The following SP100 variants were observed in gnomAD, a reference collection of about 807,000 sequenced individuals.
SP100 encodes the protein nuclear autoantigen Sp-100.
SP100 carries 84 observed loss-of-function variants against 130.0 expected under a neutral mutation model. The ratio of observed to expected loss-of-function variants is 0.65; its 90% CI spans 0.54 to 0.77. The LOEUF is 0.77. Ranked by LOEUF, SP100 falls within the 30% of genes least tolerant of loss-of-function variation. SP100 has a pLI of 0.00. For synonymous variants in SP100, 331 were observed against 351.7 expected, an observed-to-expected ratio of 0.94 and a Z score of 0.66; for missense variants, 978 against 1,052.2, an observed-to-expected ratio of 0.93 and a Z score of 0.97.
intron 2 of SP100, among the ~76,000 whole-genome samples, chr2:230,431,539 T>G (rs1215054692): frequency 6.6e-6 from 1 of 152,232 alleles, no homozygotes; most frequent in African/African-American, 2.4e-5. Context: ...TCCTTGTCTA[T>G]GGATAGTTGC....
At chr2:230,422,367 G>A (rs967203318) in intron 2 of SP100, among the ~76,000 whole-genome samples, 9 of 152,012 alleles carry the variant, frequency 5.9e-5, no homozygotes, top group South Asian at 2.1e-4. Context: ...TTCACATTTC[G>A]GAATGAGACA....
Position 230,470,070 on chromosome 2 carries a change from C to T in SP100, c.1401C>T (p.Thr467=). 6.2e-7 allele frequency: 1 copy of T among 1,611,548 alleles called. No homozygotes were observed. The highest frequency in any genetic ancestry group is 8.5e-7 in the Non-Finnish European group (1 of 1,178,700). Reference sequence around the variant, plus strand: ...GTAATGGAGAAGAGCTTCAGGAAACCTGCAGCTCATCCCTAAGAAGAGGGT... The same window carrying T: ...GTAATGGAGAAGAGCTTCAGGAAACTTGCAGCTCATCCCTAAGAAGAGGGT... ...DLSNGEELQE[T]CSSSLRRGSG... Residue 467 remains threonine, a synonymous_variant, in exon 15 of 29, where the codon ACC becomes ACT. Transcript: ENST00000340126.
intron 2 of SP100, among the ~76,000 whole-genome samples, chr2:230,435,017 C>T (rs1045246018): frequency 1.4e-4 from 21 of 152,262 alleles, no homozygotes; most frequent in Admixed American, 2.0e-4. Context: ...TATTTCTATA[C>T]GATAGATTCC....
rs1177323399 is a variant in SP100 at position 230,544,357 on chromosome 2, A to G, written c.*1411A>G. 2.6e-5 allele frequency among the ~76,000 whole-genome samples: 4 copies of G among 152,252 alleles called. No homozygotes were observed. Among genetic ancestry groups the G allele is most frequent in the African/African-American group, 9.6e-5 (4 of 41,470 alleles). On this transcript the variant is annotated 3_prime_UTR_variant, in exon 29 of 29. Transcript: ENST00000340126. Reference sequence around the variant, plus strand: ...AATCAACAGAGTAAACAGACAACCTACAAAATGGGAGAAAATATTTGCACA... The same window carrying G: ...AATCAACAGAGTAAACAGACAACCTGCAAAATGGGAGAAAATATTTGCACA...
At chr2:230,498,040 T>C (rs1408681471) in intron 18 of SP100, among the ~76,000 whole-genome samples, 1 of 152,238 alleles carries the variant, frequency 6.6e-6, no homozygotes, top group Non-Finnish European at 1.5e-5. Context: ...AATATCTGTA[T>C]GCTGAAGTTT....
chr2:230,516,759 A>G (rs1690935975), intron 24 of SP100, among the ~76,000 whole-genome samples: 1 of 152,214 alleles, frequency 6.6e-6, no homozygotes, highest in Non-Finnish European at 1.5e-5. Flanking sequence ...GTAACTGTGG[A>G]TGTCAAAAAC....
At chr2:230,449,318 C>T in intron 6 of SP100, 168 bp downstream of exon 6, 1 of 816,478 alleles carries the variant, frequency 1.2e-6, no homozygotes, top group Non-Finnish European at 2.1e-6. Context: ...CTCTAGGTTG[C>T]CTAGGAGGGT....
chr2:230,426,668 A>G (rs763258621), intron 2 of SP100, among the ~76,000 whole-genome samples: 2 of 152,166 alleles, frequency 1.3e-5, no homozygotes, highest in Non-Finnish European at 2.9e-5. Flanking sequence ...GGCCTAACAT[A>G]TGATTTTTTT....
chr2:230,516,846 A>T (rs1230368888), intron 24 of SP100, among the ~76,000 whole-genome samples: 1 of 152,208 alleles, frequency 6.6e-6, no homozygotes, highest in Non-Finnish European at 1.5e-5. Flanking sequence ...TACCTGCAGC[A>T]TTTTAAGATA....
At chr2:230,465,444 C>A (rs140093418) in intron 11 of SP100, among the ~76,000 whole-genome samples, 2 of 152,168 alleles carry the variant, frequency 1.3e-5, no homozygotes, top group East Asian at 3.9e-4. Flanking sequence ...TTTGAGAGAA[C>A]GTAAATGGAG....
chr2:230,541,085 C>A (rs1226982930), intron 26 of SP100, 89 bp downstream of exon 26: 2 of 1,490,118 alleles, frequency 1.3e-6, no homozygotes, highest in Non-Finnish European at 1.8e-6. Flanking sequence ...AGGAATGGAG[C>A]CCAAAAGCAA....
chr2:230,449,274 T>C (rs1356655822), intron 6 of SP100, 124 bp downstream of exon 6: 2 of 1,028,002 alleles, frequency 1.9e-6, no homozygotes, highest in South Asian at 1.3e-5. Context: ...CTACAGTTTT[T>C]CCATTTCTGG....
chr2:230,483,874 G>A (rs1169517390), intron 17 of SP100, among the ~76,000 whole-genome samples: 2 of 152,084 alleles, frequency 1.3e-5, no homozygotes, highest in African/African-American at 4.8e-5. Flanking sequence ...CGAAGCCTCT[G>A]GTCATATTTT....
At chr2:230,452,989 G>A (rs145937044) in intron 8 of SP100, among the ~76,000 whole-genome samples, 1 of 152,056 alleles carries the variant, frequency 6.6e-6, no homozygotes, top group Non-Finnish European at 1.5e-5. Context: ...TTGAATAGAA[G>A]TGAGAATGGG....
chr2:230,528,898 T>A (rs535907913), intron 24 of SP100, among the ~76,000 whole-genome samples: 14 of 152,214 alleles, frequency 9.2e-5, no homozygotes, highest in Non-Finnish European at 1.9e-4. Flanking sequence ...AATCTCTGCA[T>A]AGACCAATAA....
intron 2 of SP100, among the ~76,000 whole-genome samples, chr2:230,441,314 G>A (rs918144827): frequency 2.0e-5 from 3 of 152,206 alleles, no homozygotes; most frequent in Admixed American, 6.5e-5. Flanking sequence ...ATCTCTGATA[G>A]TCTTTGAAAA....
intron 2 of SP100, among the ~76,000 whole-genome samples, chr2:230,427,829 T>G (rs1201266544): frequency 6.6e-6 from 1 of 152,226 alleles, no homozygotes; most frequent in Non-Finnish European, 1.5e-5. Flanking sequence ...ACACTTTTAC[T>G]TCTCCCCTCC....
intron 16 of SP100, 80 bp from the exon 17 acceptor site, chr2:230,474,314 C>T (rs2065425331): frequency 1.3e-6 from 1 of 751,412 alleles, no homozygotes; most frequent in African/African-American, 1.8e-5. Flanking sequence ...GCAAGCCTTC[C>T]ATGCAGTGTG....
intron 24 of SP100, among the ~76,000 whole-genome samples, chr2:230,511,568 G>C (rs1250846864): frequency 1.3e-5 from 2 of 152,194 alleles, no homozygotes; most frequent in Admixed American, 6.5e-5. Context: ...TCTGCTCCAA[G>C]GTGCAGACAG....
Sources: allele counts gnomAD v4.1 joint callset (sites outside exome capture counted in the v4.1 genomes callset), GRCh38; gene constraint gnomAD v4.1.1; transcripts MANE v1.5; gene names NCBI Gene and HGNC (gene_info 2026-07-23, HGNC 2026-07-21).